ATP10A: variants seen among roughly 807,000 people sequenced by gnomAD.
ATP10A encodes the protein ATPase phospholipid transporting 10A (putative), also known as phospholipid-transporting ATPase VA.
Under a neutral mutation model 147.8 loss-of-function variants are expected in ATP10A, and 111 were observed. That is an observed-to-expected ratio of 0.75 (90% CI 0.64 to 0.88). The LOEUF (loss-of-function observed/expected upper bound fraction) is 0.88, where lower values mean the gene tolerates loss of function less well. Among genes scored for constraint, ATP10A ranks in the 40% least tolerant of loss-of-function variants. The pLI is 0.00. For missense variants in ATP10A, 1,927 were observed against 1,959.0 expected, an observed-to-expected ratio of 0.98 and a Z score of 0.31; for synonymous variants, 875 against 841.6, an observed-to-expected ratio of 1.04 and a Z score of -0.69.
intron 2 of ATP10A, among the ~76,000 whole-genome samples, chr15:25,749,832 G>C (rs755710947): frequency 1.3e-5 from 2 of 151,988 alleles, no homozygotes; most frequent in Non-Finnish European, 1.5e-5. Flanking sequence ...CAATATCTGA[G>C]ACAAAAAATA....
chr15:25,834,052 T>C (rs1892487363), intron 1 of ATP10A, among the ~76,000 whole-genome samples: 1 of 152,080 alleles, frequency 6.6e-6, no homozygotes, highest in Non-Finnish European at 1.5e-5. Context: ...ATTATTATGC[T>C]ATTATATGCT....
At chr15:25,705,209 G>C (rs1426496717) in intron 12 of ATP10A, among the ~76,000 whole-genome samples, 1 of 152,078 alleles carries the variant, frequency 6.6e-6, no homozygotes, top group African/African-American at 2.4e-5. Flanking sequence ...GACAGACTGA[G>C]GCAGGAGGAT....
At chr15:25,718,146 G>C in intron 8 of ATP10A, 36 bp downstream of exon 8, 1 of 1,590,636 alleles carries the variant, frequency 6.3e-7, no homozygotes, top group Non-Finnish European at 8.6e-7. Context: ...GGGAAGAGAC[G>C]TGGCAGCACC....
At chr15:25,858,568 G>A (rs993599229) in intron 1 of ATP10A, among the ~76,000 whole-genome samples, 5 of 152,194 alleles carry the variant, frequency 3.3e-5, no homozygotes, top group African/African-American at 7.2e-5. Flanking sequence ...AAAGCATGAA[G>A]GGCAGGGGAC....
At chr15:25,734,099 C>T (rs1887124380) in intron 3 of ATP10A, among the ~76,000 whole-genome samples, 1 of 152,232 alleles carries the variant, frequency 6.6e-6, no homozygotes, top group Non-Finnish European at 1.5e-5. Flanking sequence ...CACCCAGACT[C>T]CTGTCCTCAC....
Position 25,701,907 on chromosome 15 carries a change from C to A in ATP10A, c.2760+9G>T. 6.3e-7 allele frequency: 1 copy of A among 1,585,576 alleles called. No homozygotes were observed. Among genetic ancestry groups the A allele is most frequent in the Non-Finnish European group, 8.6e-7 (1 of 1,164,532 alleles). Reference sequence around the variant, plus strand: ...GGGAAGGAAGCGGAGCCACTTGAAACCCACCTACCTGGGAGGTGGCATTCA... The same window carrying A: ...GGGAAGGAAGCGGAGCCACTTGAAAACCACCTACCTGGGAGGTGGCATTCA... On this transcript the variant is annotated intron_variant, in intron 13 of 20. Transcript: ENST00000555815.
intron 1 of ATP10A, among the ~76,000 whole-genome samples, chr15:25,797,643 T>TG (rs1890739591): frequency 3.3e-5 from 5 of 152,152 alleles, no homozygotes; most frequent in Non-Finnish European, 7.3e-5. Flanking sequence ...GGGCCCCTCC[T>TG]CGGGGGACAG....
intron 1 of ATP10A, among the ~76,000 whole-genome samples, chr15:25,838,279 C>A (rs1476429576): frequency 3.3e-5 from 5 of 152,310 alleles, no homozygotes; most frequent in Non-Finnish European, 7.4e-5. Flanking sequence ...AGGCCTAACA[C>A]TTTGGAATAT....
chr15:25,829,783 G>A (rs913493115), intron 1 of ATP10A, among the ~76,000 whole-genome samples: 1 of 152,130 alleles, frequency 6.6e-6, no homozygotes, highest in Admixed American at 6.5e-5. Flanking sequence ...GGCGTAGTGG[G>A]ATGGGAGGCG....
chr15:25,731,125 C>A (rs547672369), intron 3 of ATP10A, among the ~76,000 whole-genome samples: 1 of 152,182 alleles, frequency 6.6e-6, no homozygotes, highest in Non-Finnish European at 1.5e-5. Context: ...CCCACCAGGG[C>A]GAAGAGCCTA....
At chr15:25,800,509 G>A (rs766447053) in intron 1 of ATP10A, among the ~76,000 whole-genome samples, 1 of 152,296 alleles carries the variant, frequency 6.6e-6, no homozygotes, top group South Asian at 2.1e-4. Context: ...TTGCAGCTGG[G>A]AGCTGACCAC....
chr15:25,819,021 C>T (rs11161230), intron 1 of ATP10A, among the ~76,000 whole-genome samples: 45,197 of 151,820 alleles, frequency 0.3, 7,266 homozygotes, highest in African/African-American at 0.41. Context: ...TTGGTCTAGG[C>T]AAAGAATTCA....
chr15:25,782,641 C>T (rs556987724), intron 1 of ATP10A, among the ~76,000 whole-genome samples: 40 of 152,180 alleles, frequency 2.6e-4, no homozygotes, highest in African/African-American at 8.4e-4. Flanking sequence ...ATACAGTCAG[C>T]CTGCAGAACC....
chr15:25,787,095 C>A (rs771144135), intron 1 of ATP10A, among the ~76,000 whole-genome samples: 1 of 152,048 alleles, frequency 6.6e-6, no homozygotes, highest in Non-Finnish European at 1.5e-5. Flanking sequence ...GGAAACCAAA[C>A]GCGCAGAGAC....
chr15:25,786,194 T>G (rs1470035286), intron 1 of ATP10A, among the ~76,000 whole-genome samples: 2 of 151,992 alleles, frequency 1.3e-5, no homozygotes, highest in Non-Finnish European at 2.9e-5. Flanking sequence ...GGCATCAGGG[T>G]GGGCCAGGGC....
Position 25,774,030 on chromosome 15 carries a change from T to C in ATP10A, c.654+6989A>G, listed in dbSNP as rs1014921996. Among the ~76,000 whole-genome samples the C allele has an allele frequency of 3.4e-5, 5 of 148,030 alleles. No individual in the cohort carries two copies. In the Admixed American group the frequency reaches 3.6e-4, roughly 11 times the overall value. Reference sequence around the variant, plus strand: ...CATTTAGGAAAATTGGAAATTTTATTAAATTCCCGTTTTTTTTTTTAAACA... The same window carrying C: ...CATTTAGGAAAATTGGAAATTTTATCAAATTCCCGTTTTTTTTTTTAAACA... On this transcript the variant is annotated intron_variant, in intron 2 of 20. Transcript: ENST00000555815.
chr15:25,863,987 C>CATA (rs1893892286), upstream of ATP10A, among the ~76,000 whole-genome samples: 1 of 152,184 alleles, frequency 6.6e-6, no homozygotes, highest in Admixed American at 6.5e-5. Flanking sequence ...ATCGCTATAG[C>CATA]AAAGACAGAA....
chr15:25,774,950 CAG>C (rs1889533069), intron 2 of ATP10A, among the ~76,000 whole-genome samples: 1 of 152,126 alleles, frequency 6.6e-6, no homozygotes, highest in Admixed American at 6.5e-5. Flanking sequence ...AAAAATGTCT[CAG>C]TATAAATTAT....
Position 25,708,107 on chromosome 15 carries a change from G to A in ATP10A, c.2449-5C>T. On this transcript the variant is annotated splice_polypyrimidine_tract_variant and splice_region_variant and intron_variant, in intron 11 of 20. Transcript: ENST00000555815. ...ATACTCTTCTTTACTCAGAACCTAT[G>A]GGAGATACATTGTTGAGTGCTGCAC... 1 of 1,613,800 alleles carries A rather than the reference G, an allele frequency of 6.2e-7. No individual in the cohort carries two copies. Among genetic ancestry groups the A allele is most frequent in the Non-Finnish European group, 8.5e-7 (1 of 1,179,734 alleles).
Sources: gnomAD v4.1 joint callset for allele counts (sites outside exome capture counted in the v4.1 genomes callset) on GRCh38, gnomAD v4.1.1 for gene constraint, MANE v1.5 for transcripts, NCBI Gene and HGNC (gene_info 2026-07-23, HGNC 2026-07-21) for gene names.